PDK3: variants seen among roughly 807,000 people sequenced by gnomAD.
PDK3 encodes the protein pyruvate dehydrogenase kinase 3.
PDK3 carries 12 observed loss-of-function variants against 32.0 expected under a neutral mutation model. The ratio of observed to expected loss-of-function variants is 0.37; its 90% confidence interval spans 0.24 to 0.61. PDK3 has a LOEUF of 0.61. PDK3 is among the 20% of genes least tolerant of loss of function. The pLI is 0.65. For missense variants in PDK3, 188 were observed against 316.9 expected (o/e 0.59, Z 3.09); for synonymous variants, 122 against 116.3 (o/e 1.05, Z -0.31).
chrX:24,505,160 C>A, intron 4 of PDK3, 49 bp from the exon 5 acceptor site: 1 of 939,432 alleles, frequency 1.1e-6, no homozygotes, highest in Non-Finnish European at 1.5e-6. Flanking sequence ...TGTGACCATC[C>A]CAGCCTGCTG....
chrX:24,524,266 A>G (rs899229328), intron 6 of PDK3, among the ~76,000 whole-genome samples: 3 of 112,274 alleles, frequency 2.7e-5, no homozygotes, highest in Non-Finnish European at 1.9e-5. Context: ...TTGCAAAGCA[A>G]TTGATTCTAA....
intron 1 of PDK3, among the ~76,000 whole-genome samples, chrX:24,484,951 T>G (rs1026010183): frequency 1.2e-4 from 13 of 111,409 alleles, no homozygotes; most frequent in African/African-American, 3.9e-4. Flanking sequence ...GATACTTAAG[T>G]ATGTATGTCC....
chrX:24,474,894 C>T (rs1475933431), intron 1 of PDK3, among the ~76,000 whole-genome samples: 2 of 112,008 alleles, frequency 1.8e-5, no homozygotes, highest in East Asian at 2.8e-4. Context: ...GGCCAGTTTC[C>T]GCATTCTTAC....
At chrX:24,546,353 A>T (rs1225409046) in exon 12 of PDK3, 1 of 112,019 alleles carries the variant, frequency 8.9e-6, no homozygotes, top group Non-Finnish European at 1.9e-5. Flanking sequence ...AGTTTAAAGC[A>T]TCTGGATGAT....
At chrX:24,480,971 A>T (rs190499438) in intron 1 of PDK3, among the ~76,000 whole-genome samples, 91 of 111,994 alleles carry the variant, frequency 8.1e-4, no homozygotes, top group African/African-American at 2.8e-3. Context: ...CCTTTATCCA[A>T]AATGTTGTTG....
rs1031305399 is a variant in PDK3 at position 24,508,107 on chromosome X, A to G, written c.595+2809A>G. Among the ~76,000 whole-genome samples, 9 of 112,208 alleles carry G rather than the reference A, an allele frequency of 8.0e-5. No individual in the cohort carries two copies. The South Asian group carries it at 1.1e-3, about 14-fold the overall frequency. On this transcript the variant is annotated intron_variant, in intron 5 of 10. Coordinates refer to ENST00000379162, the MANE Select transcript of PDK3 (RefSeq NM_005391.5). ...AGGTTTGATTGACTCACAGTTCTGC[A>G]GGCTGTACAAGAGGCATGGCTTGGG...
intron 1 of PDK3, among the ~76,000 whole-genome samples, chrX:24,489,703 G>GA (rs1241227562): frequency 1.1e-4 from 9 of 83,586 alleles, no homozygotes; most frequent in African/African-American, 3.5e-4. Context: ...AAAAAAAAAA[G>GA]AAAAAAAAAG....
chrX:24,514,670 T>G (rs960034580), intron 5 of PDK3, among the ~76,000 whole-genome samples: 2 of 111,873 alleles, frequency 1.8e-5, no homozygotes, highest in Non-Finnish European at 3.8e-5. Flanking sequence ...TTATTTTACT[T>G]AAACAGAAAT....
At chrX:24,527,292 C>G (rs937297889) in intron 7 of PDK3, among the ~76,000 whole-genome samples, 4 of 39,819 alleles carry the variant, frequency 1.0e-4, no homozygotes, top group Non-Finnish European at 1.8e-4. Context: ...TACCGTAAAG[C>G]GAAAAAAAAA....
intron 1 of PDK3, among the ~76,000 whole-genome samples, chrX:24,486,016 A>T (rs766825223): frequency 2.7e-5 from 3 of 112,198 alleles, no homozygotes; most frequent in Non-Finnish European, 5.6e-5. Context: ...ACCCCCCATT[A>T]ACATCCCAGA....
At chrX:24,515,647 G>A (rs1922237342) in intron 5 of PDK3, among the ~76,000 whole-genome samples, 1 of 112,070 alleles carries the variant, frequency 8.9e-6, no homozygotes, top group African/African-American at 3.2e-5. Context: ...ACGTCACTAG[G>A]TGGAGATGTA....
chrX:24,533,119 T>G (rs1922691822), intron 10 of PDK3, among the ~76,000 whole-genome samples: 2 of 107,115 alleles, frequency 1.9e-5, no homozygotes, highest in Admixed American at 1.0e-4. Context: ...TCTTTTCTTT[T>G]TTTTTGTTTC....
chrX:24,479,797 C>T (rs111757728), intron 1 of PDK3, among the ~76,000 whole-genome samples: 2 of 102,601 alleles, frequency 1.9e-5, no homozygotes, highest in East Asian at 6.1e-4. Flanking sequence ...AAAAAACAAA[C>T]AAAAAAAAAA....
rs180817239 is a variant in PDK3, at chrX:24,539,444, C to T, written c.*280C>T. 232 of 299,393 alleles carry T rather than the reference C, an allele frequency of 7.7e-4. 1 individual carries two copies. Among genetic ancestry groups the T allele is most frequent in the African/African-American group, 5.5e-3 (207 of 37,378 alleles). The allele number at this position is 299,393 out of a possible 1,213,427, so 24.7% of individuals were successfully genotyped here. On this transcript the variant is annotated 3_prime_UTR_variant, in exon 12 of 12. Transcript: ENST00000568479. Reference sequence around the variant, plus strand: ...AGCCTCCTTACAGCTCTTGTGCCCTCGTACTCTCCATCTTGTTATCATAGC... The same window carrying T: ...AGCCTCCTTACAGCTCTTGTGCCCTTGTACTCTCCATCTTGTTATCATAGC...
chrX:24,515,633 T>C (rs949885372), intron 5 of PDK3, among the ~76,000 whole-genome samples: 2 of 112,091 alleles, frequency 1.8e-5, no homozygotes, highest in Non-Finnish European at 3.8e-5. Context: ...AGCTTTGTGC[T>C]TTCACGTCAC....
chrX:24,499,009 G>T, intron 3 of PDK3, 109 bp downstream of exon 3: 1 of 411,587 alleles, frequency 2.4e-6, no homozygotes, highest in Non-Finnish European at 3.9e-6. Flanking sequence ...GGACAAAAGC[G>T]TTCATTTTCT....
At chrX:24,491,311 T>G (rs995039369) in intron 1 of PDK3, among the ~76,000 whole-genome samples, 1 of 106,604 alleles carries the variant, frequency 9.4e-6, no homozygotes, top group Admixed American at 1.0e-4. Context: ...GAAAAAAAAA[T>G]TATCTGATAC....
intron 1 of PDK3, among the ~76,000 whole-genome samples, chrX:24,472,031 C>G (rs1357819069): frequency 1.8e-5 from 2 of 112,134 alleles, no homozygotes. Flanking sequence ...TTTATACTTA[C>G]TGGTATGATA....
At chrX:24,474,345 CATT>C (rs1921051380) in intron 1 of PDK3, among the ~76,000 whole-genome samples, 1 of 110,922 alleles carries the variant, frequency 9.0e-6, no homozygotes, top group African/African-American at 3.3e-5. Context: ...GGTTATTAAA[CATT>C]ATGCCACTTT....
Sources: gnomAD v4.1 joint callset for allele counts (sites outside exome capture counted in the v4.1 genomes callset) on GRCh38, gnomAD v4.1.1 for gene constraint, MANE v1.5 for transcripts, NCBI Gene and HGNC (gene_info 2026-07-23, HGNC 2026-07-21) for gene names.